The following CREB5 variants were observed in gnomAD, a reference collection of about 807,000 sequenced individuals.
CREB5 encodes cAMP responsive element binding protein 5.
CREB5 carries 19 observed loss-of-function variants against 57.1 expected under a neutral mutation model. The ratio of observed to expected loss-of-function variants is 0.33; its 90% CI spans 0.23 to 0.49. The LOEUF is 0.49. CREB5 is among the 20% of genes least tolerant of loss of function. The pLI is 0.99. For synonymous variants in CREB5, 238 were observed against 238.3 expected (o/e 1.00, Z 0.01); for missense variants, 579 against 671.6 (o/e 0.86, Z 1.52).
upstream of CREB5, among the ~76,000 whole-genome samples, chr7:28,411,708 A>T (rs945265300): frequency 6.6e-6 from 1 of 152,182 alleles, no homozygotes; most frequent in Non-Finnish European, 1.5e-5. Context: ...TTATATTGCA[A>T]ATATGTGGGA....
intron 1 of CREB5, among the ~76,000 whole-genome samples, chr7:28,368,462 C>A (rs992515031): frequency 1.3e-5 from 2 of 152,136 alleles, no homozygotes; most frequent in African/African-American, 2.4e-5. Flanking sequence ...GTGGTCTGGG[C>A]CCTGCCTACC....
intron 3 of CREB5, among the ~76,000 whole-genome samples, chr7:28,503,502 T>G (rs1792353296): frequency 6.6e-6 from 1 of 152,088 alleles, no homozygotes; most frequent in African/African-American, 2.4e-5. Context: ...TAATCTTCCT[T>G]TTATCCCTTT....
At chr7:28,325,867 G>A (rs1218725060) in intron 1 of CREB5, among the ~76,000 whole-genome samples, 1 of 152,168 alleles carries the variant, frequency 6.6e-6, no homozygotes, top group Non-Finnish European at 1.5e-5. Flanking sequence ...GCATTTTGAT[G>A]CTCAAATTGT....
rs548948911 is a variant in CREB5 at position 28,611,987 on chromosome 7, C to T, written c.464+41450C>T. Among the ~76,000 whole-genome samples the T allele has an allele frequency of 3.0e-3, 374 of 125,236 alleles. 6 individuals are homozygous for T. The highest frequency in any genetic ancestry group is 9.7e-3 in the African/African-American group (357 of 36,684). The allele number at this position is 125,236 out of a possible 152,430, so 82.2% of individuals were successfully genotyped here. A position where few individuals can be genotyped will look rare whatever the true frequency, so the allele number is the denominator to read the frequency against. On this transcript the variant is annotated intron_variant, in intron 5 of 10. Transcript: ENST00000357727. ...TTCTCATGTCCCCTTGCTACTTTGC[C>T]AGCCAGCAAGCCATCTGGATGATGC...
At chr7:28,366,668 C>T (rs1786594012) in intron 1 of CREB5, among the ~76,000 whole-genome samples, 1 of 152,196 alleles carries the variant, frequency 6.6e-6, no homozygotes. Context: ...TACCAACTTT[C>T]AACTCAGTTA....
intron 5 of CREB5, among the ~76,000 whole-genome samples, chr7:28,600,665 A>T (rs556652771): frequency 2.9e-4 from 44 of 152,288 alleles, no homozygotes; most frequent in African/African-American, 1.1e-3. Context: ...CAGTTTATTT[A>T]TATTCTATTA....
At chr7:28,574,731 T>C (rs1267649368) in intron 5 of CREB5, among the ~76,000 whole-genome samples, 2 of 152,216 alleles carry the variant, frequency 1.3e-5, no homozygotes, top group African/African-American at 4.8e-5. Context: ...CATTAGAATA[T>C]ACAAATGTGG....
At chr7:28,640,785 T>C (rs113300973) in intron 5 of CREB5, among the ~76,000 whole-genome samples, 6 of 152,252 alleles carry the variant, frequency 3.9e-5, no homozygotes, top group African/African-American at 1.4e-4. Context: ...TCCTACCTAG[T>C]TCCCCAGATC....
intron 5 of CREB5, among the ~76,000 whole-genome samples, chr7:28,667,210 T>C (rs1394021201): frequency 1.3e-5 from 2 of 151,554 alleles, no homozygotes; most frequent in African/African-American, 4.9e-5. Flanking sequence ...TGAATCCCAC[T>C]GTGGGAGCTG....
chr7:28,349,547 A>T (rs1419055412), intron 1 of CREB5, among the ~76,000 whole-genome samples: 2 of 152,120 alleles, frequency 1.3e-5, no homozygotes, highest in Non-Finnish European at 2.9e-5. Flanking sequence ...TCATAATTTT[A>T]TAATTTTTGC....
intron 5 of CREB5, among the ~76,000 whole-genome samples, chr7:28,677,689 GC>G (rs1429608386): frequency 2.0e-5 from 3 of 152,174 alleles, no homozygotes; most frequent in African/African-American, 7.2e-5. Flanking sequence ...TTAAATGCAT[GC>G]TTTCCAGTTT....
intron 1 of CREB5, among the ~76,000 whole-genome samples, chr7:28,443,257 G>T (rs1036256605): frequency 6.6e-6 from 1 of 152,172 alleles, no homozygotes; most frequent in Non-Finnish European, 1.5e-5. Context: ...TGACCCAGGT[G>T]GCTGCTGAAC....
At chr7:28,305,644 C>G (rs926761286) in intron 1 of CREB5, among the ~76,000 whole-genome samples, 7 of 152,096 alleles carry the variant, frequency 4.6e-5, no homozygotes, top group African/African-American at 1.7e-4. Context: ...AGTAGCCACA[C>G]ATTCTCATCC....
In CREB5 at chr7:28,622,259, TCACACA is replaced by T. The variant is rs4000593; in HGVS notation, c.464+51752_464+51757del. On this transcript the variant is annotated intron_variant, in intron 5 of 10. Transcript: ENST00000357727. ...TACACACATTCTCTCTCTCTCTCTC[TCACACA>T]CACACACACACACACACACACACAC... is the stretch of plus-strand genomic sequence containing the variant. Among the ~76,000 whole-genome samples the T allele has an allele frequency of 4.6e-3, 663 of 142,886 alleles. 4 individuals are homozygous for T. The highest frequency in any genetic ancestry group is 0.012 in the African/African-American group (473 of 39,036). 93.7% of individuals were successfully genotyped at this position (142,886 alleles called of 152,430 possible).
At chr7:28,410,652 A>G (rs1438307506), upstream of CREB5, 1 of 428,938 alleles carries the variant, frequency 2.3e-6, no homozygotes, top group Non-Finnish European at 4.7e-6. Flanking sequence ...GGAGCGGGCT[A>G]CTTGTATATT....
chr7:28,301,538 A>G (rs1469307529), intron 1 of CREB5, among the ~76,000 whole-genome samples: 1 of 152,218 alleles, frequency 6.6e-6, no homozygotes, highest in Admixed American at 6.5e-5. Flanking sequence ...AGTGAGTTAG[A>G]AATTATGACT....
intron 1 of CREB5, among the ~76,000 whole-genome samples, chr7:28,476,109 A>G (rs1791058967): frequency 6.6e-6 from 1 of 152,242 alleles, no homozygotes; most frequent in Admixed American, 6.5e-5. Flanking sequence ...GTTGGCTGGT[A>G]TGTGGCAGAG....
At chr7:28,497,431 T>TGGAA (rs1232806007) in intron 3 of CREB5, among the ~76,000 whole-genome samples, 51 of 152,324 alleles carry the variant, frequency 3.3e-4, no homozygotes, top group Non-Finnish European at 5.4e-4. Flanking sequence ...AATTCTAATT[T>TGGAA]TTATTATGTC....
At chr7:28,739,236 T>C (rs890037625) in intron 7 of CREB5, among the ~76,000 whole-genome samples, 5 of 152,190 alleles carry the variant, frequency 3.3e-5, no homozygotes, top group African/African-American at 1.2e-4. Context: ...TAAAATAAAA[T>C]TTAAAAATCA....
Sources: allele counts gnomAD v4.1 joint callset (sites outside exome capture counted in the v4.1 genomes callset), GRCh38; gene constraint gnomAD v4.1.1; transcripts MANE v1.5; gene names NCBI Gene and HGNC (gene_info 2026-07-23, HGNC 2026-07-21).